LARP4B: variants seen among roughly 807,000 people sequenced by gnomAD.
LARP4B encodes the protein La ribonucleoprotein 4B.
A neutral mutation model predicts 89.8 loss-of-function variants in LARP4B; 12 were observed. The ratio of observed to expected loss-of-function variants is 0.13; its 90% CI spans 0.09 to 0.22. LARP4B has a LOEUF of 0.22. Ranked by LOEUF, LARP4B falls within the 10% of genes least tolerant of loss-of-function variation. The probability of loss-of-function intolerance (pLI) is 1.00; values close to 1 mark genes in which losing one functional copy is unlikely to be tolerated. For synonymous variants in LARP4B, 367 were observed against 363.3 expected (o/e 1.01, Z -0.12); for missense variants, 757 against 947.7 (o/e 0.80, Z 2.64).
At chr10:833,393 A>G (rs558918076) in intron 8 of LARP4B, among the ~76,000 whole-genome samples, 1 of 152,262 alleles carries the variant, frequency 6.6e-6, no homozygotes, top group Admixed American at 6.5e-5. Context: ...AAGCACCACT[A>G]AAAAACAGAA....
intron 8 of LARP4B, among the ~76,000 whole-genome samples, chr10:835,981 GC>G (rs1352452992): frequency 1.3e-5 from 2 of 152,046 alleles, no homozygotes; most frequent in African/African-American, 4.8e-5. Flanking sequence ...TCTAAGAGTG[GC>G]CGTGCTGGCT....
At chr10:924,925 T>TACC (rs1262781998) in intron 1 of LARP4B, among the ~76,000 whole-genome samples, 2 of 152,244 alleles carry the variant, frequency 1.3e-5, no homozygotes, top group East Asian at 3.8e-4. Context: ...GTTCTAAGGC[T>TACC]TAGGTTCATA....
chr10:842,026 GACA>G (rs1833542210), intron 7 of LARP4B, among the ~76,000 whole-genome samples: 1 of 151,490 alleles, frequency 6.6e-6, no homozygotes, highest in African/African-American at 2.4e-5. Flanking sequence ...ATAAGCCAGG[GACA>G]ACGTGAAAAC....
intron 1 of LARP4B, among the ~76,000 whole-genome samples, chr10:923,374 G>A (rs974732902): frequency 2.6e-5 from 4 of 151,876 alleles, no homozygotes; most frequent in South Asian, 2.1e-4. Context: ...ACCAATTACC[G>A]CATCTTTTCC....
At chr10:855,244 A>G (rs931363954) in intron 5 of LARP4B, among the ~76,000 whole-genome samples, 6 of 152,200 alleles carry the variant, frequency 3.9e-5, no homozygotes, top group African/African-American at 1.2e-4. Flanking sequence ...ATTTCCTTCA[A>G]TAACTTTTCC....
At chr10:980,784 T>A in the LARP4B span, among the ~76,000 whole-genome samples, 2 of 152,210 alleles carry the variant, frequency 1.3e-5, no homozygotes, top group Admixed American at 1.3e-4. Context: ...CAAGCCTTTT[T>A]CCCCATTATT....
chr10:961,111 A>G, the LARP4B span, among the ~76,000 whole-genome samples: 2 of 152,230 alleles, frequency 1.3e-5, no homozygotes, highest in Non-Finnish European at 2.9e-5. Flanking sequence ...GTCCAGTGAA[A>G]TTACCTGAGG....
chr10:861,251 G>A (rs908858824), intron 5 of LARP4B, among the ~76,000 whole-genome samples: 1 of 152,184 alleles, frequency 6.6e-6, no homozygotes, highest in Non-Finnish European at 1.5e-5. Flanking sequence ...TGATTGTGCT[G>A]AGGATTTTAC....
rs1329039228 is a variant in LARP4B, at chr10:901,080, C to T, written c.-39-15320G>A. On this transcript the variant is annotated intron_variant, in intron 1 of 17. Coordinates refer to ENST00000316157, the MANE Select transcript of LARP4B (RefSeq NM_015155.3). ...GATTACAGGCACCTGCCACCACGCC[C>T]GGCTAATTTTTTGTATTGTTAGTAG... is the stretch of plus-strand genomic sequence containing the variant. 4.0e-5 allele frequency among the ~76,000 whole-genome samples: 6 copies of T among 150,716 alleles called. No homozygotes were observed. In the East Asian group the frequency reaches 9.8e-4, roughly 25 times the overall value.
chr10:930,364 T>C (rs953147935), intron 1 of LARP4B, among the ~76,000 whole-genome samples: 2 of 152,196 alleles, frequency 1.3e-5, no homozygotes, highest in African/African-American at 2.4e-5. Flanking sequence ...CTTCCTGTTT[T>C]CTCAGTTATC....
intron 7 of LARP4B, among the ~76,000 whole-genome samples, chr10:838,779 TA>T: frequency 6.6e-6 from 1 of 152,284 alleles, no homozygotes; most frequent in South Asian, 2.1e-4. Flanking sequence ...CCAAAGGAGC[TA>T]AAAAATTATG....
chr10:813,116 G>A lies in LARP4B; in HGVS notation c.2027C>T (p.Thr676Ile). 1 of 1,614,174 alleles carries A rather than the reference G, an allele frequency of 6.2e-7. No homozygotes were observed. Among genetic ancestry groups the A allele is most frequent in the Non-Finnish European group, 8.5e-7 (1 of 1,180,032 alleles). The stretch of plus-strand genomic sequence containing the variant: ...CTTTTCCTCCTTCCCACAACCAACA[G>A]TGTTTGGCTTTTGTTCTTTTTGGGG... ...LQPQKEQKPNTVGCGKEEKKL... is the reference protein window; with the variant it reads ...LQPQKEQKPNIVGCGKEEKKL... Residue 676 changes from threonine (T) to isoleucine (I), a missense_variant, in exon 18 of 18, where the codon ACT becomes ATT. Physicochemically the swap from Thr to Ile is moderately conservative, Grantham distance 89. Transcript: ENST00000316157.
At chr10:900,762 G>C (rs1428350122) in intron 1 of LARP4B, among the ~76,000 whole-genome samples, 4 of 150,284 alleles carry the variant, frequency 2.7e-5, no homozygotes, top group Admixed American at 6.7e-5. Flanking sequence ...TGGGACTACA[G>C]GTGCACGCCA....
chr10:941,557 G>A, the LARP4B span, among the ~76,000 whole-genome samples: 72 of 152,212 alleles, frequency 4.7e-4, no homozygotes, highest in Non-Finnish European at 7.5e-4. Context: ...CCTAACCTCA[G>A]GTGATCCGCC....
At chr10:878,774 G>C (rs773787872) in intron 3 of LARP4B, among the ~76,000 whole-genome samples, 13 of 152,026 alleles carry the variant, frequency 8.6e-5, no homozygotes, top group Non-Finnish European at 1.6e-4. Flanking sequence ...TGTTTGCATG[G>C]TACTGCCACA....
chr10:817,596 A>G (rs549942417), intron 15 of LARP4B, 129 bp downstream of exon 15: 6 of 879,992 alleles, frequency 6.8e-6, no homozygotes, highest in African/African-American at 6.7e-5. Flanking sequence ...GACCTCTGCA[A>G]TCACGTGGCC....
In LARP4B at chr10:928,620, T is replaced by A. The variant is rs1051805021; in HGVS notation, c.-40+2808A>T. The stretch of plus-strand genomic sequence containing the variant: ...GTGGGGGGAGACAAGGTCTCACTGT[T>A]GTCCAGGATGGAGTGCAGTGGCAGG... On this transcript the variant is annotated intron_variant, in intron 1 of 17. Coordinates refer to ENST00000316157, the MANE Select transcript of LARP4B (RefSeq NM_015155.3). Among the ~76,000 whole-genome samples, 12 of 152,300 alleles carry A rather than the reference T, an allele frequency of 7.9e-5. No homozygotes were observed. The East Asian group carries it at 2.1e-3, about 27-fold the overall frequency.
At chr10:948,333 G>A in the LARP4B span, among the ~76,000 whole-genome samples, 7 of 152,180 alleles carry the variant, frequency 4.6e-5, no homozygotes, top group African/African-American at 1.4e-4. Flanking sequence ...TGCAACCTCC[G>A]CCTCAAAGGT....
At chr10:887,581 G>A (rs146207894) in intron 1 of LARP4B, among the ~76,000 whole-genome samples, 6 of 150,874 alleles carry the variant, frequency 4.0e-5, no homozygotes, top group Non-Finnish European at 5.9e-5. Flanking sequence ...AACGGTGGCG[G>A]GCACCTGTAG....
Sources: allele counts gnomAD v4.1 joint callset (sites outside exome capture counted in the v4.1 genomes callset), GRCh38; gene constraint gnomAD v4.1.1; transcripts MANE v1.5; gene names NCBI Gene and HGNC (gene_info 2026-07-23, HGNC 2026-07-21).